DIAPH2: variants seen among roughly 807,000 people sequenced by gnomAD.
DIAPH2 encodes the protein diaphanous related formin 2.
In DIAPH2, 35 loss-of-function variants were observed where a neutral mutation model predicts 92.7. That is an observed-to-expected ratio of 0.38 (90% CI 0.29 to 0.50). The LOEUF is 0.50. Among genes scored for constraint, DIAPH2 ranks in the 20% least tolerant of loss-of-function variants. The pLI is 0.94. For synonymous variants in DIAPH2, 301 were observed against 280.4 expected (o/e 1.07, Z -0.73); for missense variants, 701 against 819.5 (o/e 0.86, Z 1.77).
chrX:97,373,731 C>T (rs369723865), intron 24 of DIAPH2, among the ~76,000 whole-genome samples: 1 of 107,291 alleles, frequency 9.3e-6, no homozygotes, highest in South Asian at 4.2e-4. Flanking sequence ...CTCAGCCTCC[C>T]GAACAGCTGG....
rs546439449 is a variant in DIAPH2, at chrX:97,025,339, G to C, written c.2051-47602G>C. Among the ~76,000 whole-genome samples, 77 of 107,663 alleles carry C rather than the reference G, an allele frequency of 7.2e-4. No individual in the cohort carries two copies. The South Asian group carries it at 0.032, about 44-fold the overall frequency. 93.5% of individuals were successfully genotyped at this position (107,663 alleles called of 115,157 possible). A position where few individuals can be genotyped will look rare whatever the true frequency, so the allele number is the denominator to read the frequency against. ...CACTCCAGCCTGGGTGACAAAGCAA[G>C]ACTCTGTCTCACACACAAAAAAAGA... On this transcript the variant is annotated intron_variant, in intron 17 of 26. Transcript: ENST00000324765.
At chrX:96,884,021 G>C in intron 5 of DIAPH2, 1 of 250,181 alleles carries the variant, frequency 4.0e-6, no homozygotes, top group East Asian at 6.8e-5. Flanking sequence ...CCCCTCGTGT[G>C]GGACTTTTAG....
At chrX:97,142,726 G>A (rs1294982897) in intron 22 of DIAPH2, among the ~76,000 whole-genome samples, 1 of 112,017 alleles carries the variant, frequency 8.9e-6, no homozygotes, top group Admixed American at 9.5e-5. Context: ...TTATGTGCGA[G>A]AAGAAGTGCA....
intron 26 of DIAPH2, among the ~76,000 whole-genome samples, chrX:97,495,458 C>A (rs1046091569): frequency 5.4e-5 from 6 of 111,857 alleles, no homozygotes; most frequent in Non-Finnish European, 9.4e-5. Flanking sequence ...AAAAGGCCAT[C>A]TGGAATTCCC....
intron 4 of DIAPH2, among the ~76,000 whole-genome samples, chrX:96,876,756 G>A (rs1024225475): frequency 9.5e-6 from 1 of 104,931 alleles, no homozygotes; most frequent in African/African-American, 3.5e-5. Context: ...ACCGGGGCCT[G>A]TTGTGGGGTT....
chrX:96,898,930 C>T (rs1267747101), intron 5 of DIAPH2, among the ~76,000 whole-genome samples: 1 of 108,629 alleles, frequency 9.2e-6, no homozygotes. Flanking sequence ...GATCCAGTTT[C>T]AGCTTTCTAC....
At chrX:96,931,670 A>G (rs2065620319) in intron 10 of DIAPH2, among the ~76,000 whole-genome samples, 1 of 110,876 alleles carries the variant, frequency 9.0e-6, no homozygotes, top group African/African-American at 3.3e-5. Context: ...GTGTGTGCCC[A>G]TGTGTATGAC....
chrX:96,811,949 G>T (rs868662360), intron 4 of DIAPH2, among the ~76,000 whole-genome samples: 2 of 111,485 alleles, frequency 1.8e-5, no homozygotes, highest in Non-Finnish European at 3.8e-5. Flanking sequence ...TTTTTGCATC[G>T]ATGTTCATCA....
chrX:97,539,303 G>C (rs747344193), intron 26 of DIAPH2, among the ~76,000 whole-genome samples: 3 of 110,204 alleles, frequency 2.7e-5, no homozygotes, highest in Non-Finnish European at 5.7e-5. Context: ...AGATCTCCCA[G>C]AGAGGTCTCC....
At chrX:96,865,260 T>G (rs753988005) in intron 4 of DIAPH2, among the ~76,000 whole-genome samples, 2 of 111,874 alleles carry the variant, frequency 1.8e-5, no homozygotes, top group Non-Finnish European at 3.8e-5. Flanking sequence ...CAATCAGACC[T>G]TGGCGATGAC....
chrX:96,851,692 T>C (rs971774682), intron 4 of DIAPH2, among the ~76,000 whole-genome samples: 16 of 112,186 alleles, frequency 1.4e-4, no homozygotes, highest in African/African-American at 4.5e-4. Flanking sequence ...AAAATATTTT[T>C]GATCTGCAAC....
At chrX:97,090,298 C>CTTTTTTTTTTTTTT (rs760073834) in intron 19 of DIAPH2, among the ~76,000 whole-genome samples, 3 of 38,871 alleles carry the variant, frequency 7.7e-5, no homozygotes, top group African/African-American at 1.9e-4. Context: ...TCTCTGATCC[C>CTTTTTTTTTTTTTT]TTTTTTTTTT....
intron 23 of DIAPH2, among the ~76,000 whole-genome samples, chrX:97,285,530 G>C (rs983077177): frequency 1.8e-5 from 2 of 110,746 alleles, no homozygotes; most frequent in Non-Finnish European, 3.8e-5. Flanking sequence ...CTATAATCCT[G>C]AACTTTTAAC....
chrX:97,471,302 T>G (rs757818727), intron 26 of DIAPH2, among the ~76,000 whole-genome samples: 1 of 111,827 alleles, frequency 8.9e-6, no homozygotes, highest in South Asian at 3.8e-4. Flanking sequence ...TACATAGGTC[T>G]GTTCTCCCTT....
At chrX:97,291,599 C>G (rs1373668318) in intron 23 of DIAPH2, among the ~76,000 whole-genome samples, 3 of 107,708 alleles carry the variant, frequency 2.8e-5, no homozygotes, top group African/African-American at 1.0e-4. Context: ...GTGGCGCGTT[C>G]TGGGCTCACT....
At chrX:96,970,952 C>CA (rs1391763405) in intron 17 of DIAPH2, among the ~76,000 whole-genome samples, 2 of 111,459 alleles carry the variant, frequency 1.8e-5, no homozygotes, top group Non-Finnish European at 3.8e-5. Flanking sequence ...TCATTTATTC[C>CA]AAAAAAATTT....
chrX:97,259,351 G>C (rs977786745), intron 23 of DIAPH2, among the ~76,000 whole-genome samples: 1 of 111,746 alleles, frequency 8.9e-6, no homozygotes, highest in Admixed American at 9.5e-5. Flanking sequence ...AAAATGTTCT[G>C]AGAAAACATC....
chrX:97,012,907 G>C (rs2066236964), intron 17 of DIAPH2, among the ~76,000 whole-genome samples: 1 of 112,117 alleles, frequency 8.9e-6, no homozygotes, highest in Non-Finnish European at 1.9e-5. Context: ...ATTTGTCCAA[G>C]TTCACACAGC....
Position 96,872,386 on chromosome X carries a change from AACCT to A in DIAPH2, c.448-9191_448-9188del, listed in dbSNP as rs922356387. 9.8e-5 allele frequency among the ~76,000 whole-genome samples: 11 copies of A among 111,696 alleles called. No individual in the cohort carries two copies. In the Admixed American group the frequency reaches 1.0e-3, roughly 11 times the overall value. ...TTTCTTTGCCTGGCTTATTTCACTT[AACCT>A]AATGTCCTTCAGTTCTATCCACGTT... On this transcript the variant is annotated intron_variant, in intron 4 of 26. Coordinates refer to ENST00000324765, the MANE Select transcript of DIAPH2 (RefSeq NM_006729.5).
Sources: gnomAD v4.1 joint callset for allele counts (sites outside exome capture counted in the v4.1 genomes callset) on GRCh38, gnomAD v4.1.1 for gene constraint, MANE v1.5 for transcripts, NCBI Gene and HGNC (gene_info 2026-07-23, HGNC 2026-07-21) for gene names.